Variants in MRAS observed in about 807,000 individuals in gnomAD.
MRAS encodes ras-related protein M-Ras.
In MRAS, 4 loss-of-function variants were observed where a neutral mutation model predicts 20.9. The ratio of observed to expected loss-of-function variants is 0.19; its 90% CI spans 0.09 to 0.44. The LOEUF (loss-of-function observed/expected upper bound fraction) is 0.44. Ranked by LOEUF, MRAS falls within the 20% of genes least tolerant of loss-of-function variation. The pLI, the probability that MRAS is intolerant of heterozygous loss-of-function variation, is 0.99. For synonymous variants in MRAS, 98 were observed against 102.9 expected (o/e 0.95, Z 0.29); for missense variants, 154 against 277.5 (o/e 0.56, Z 3.16).
At position 138,405,209 on chromosome 3, in the gene MRAS, A is replaced by C. The variant is rs1454921822; in HGVS notation, c.*2940A>C. ...TGGCTGGCCTCGTGGGGCCTGTCTC[A>C]CTTTTCCAGGAGACATGACCCACTA... is the stretch of plus-strand genomic sequence containing the variant. On this transcript the variant is annotated 3_prime_UTR_variant, in exon 6 of 6. Coordinates refer to ENST00000423968, the MANE Select transcript of MRAS (RefSeq NM_001085049.3). The C allele has an allele frequency of 6.6e-6, 1 of 152,566 alleles. No homozygotes were observed. The highest frequency in any genetic ancestry group is 2.1e-4 in the South Asian group (1 of 4,824). 9.5% of individuals were successfully genotyped at this position (152,566 alleles called of 1,614,324 possible).
Position 138,402,564 on chromosome 3 carries a change from GTGT to G in MRAS, c.*300_*302del, listed in dbSNP as rs986595190. ...GGTTCCTCCCCCTCTCTCGGTGGGT[GTGT>G]TGTTTATTGTAACTACATAGTGTTG... On this transcript the variant is annotated 3_prime_UTR_variant, in exon 6 of 6. Coordinates refer to ENST00000423968, the MANE Select transcript of MRAS (RefSeq NM_001085049.3). 48 of 373,952 alleles carry G rather than the reference GTGT, an allele frequency of 1.3e-4. No homozygotes were observed. Among genetic ancestry groups the G allele is most frequent in the African/African-American group, 9.2e-4 (45 of 49,050 alleles). The allele number at this position is 373,952 out of a possible 1,614,324, so 23.2% of individuals were successfully genotyped here. A position where few individuals can be genotyped will look rare whatever the true frequency, so the allele number is the denominator to read the frequency against.
chr3:138,351,256 G>A (rs1238672988), intron 1 of MRAS, among the ~76,000 whole-genome samples: 1 of 95,152 alleles, frequency 1.1e-5, no homozygotes, highest in Non-Finnish European at 2.6e-5. Flanking sequence ...CTGCTCATGA[G>A]CATTGTGTAG....
At chr3:138,393,667 G>A (rs960566033) in intron 2 of MRAS, among the ~76,000 whole-genome samples, 5 of 146,788 alleles carry the variant, frequency 3.4e-5, no homozygotes, top group Admixed American at 7.1e-5. Flanking sequence ...TATGAATTAC[G>A]ATATTGCCTT....
intron 4 of MRAS, among the ~76,000 whole-genome samples, chr3:138,399,145 G>C (rs1304640121): frequency 6.6e-6 from 1 of 152,220 alleles, no homozygotes; most frequent in East Asian, 1.9e-4. Flanking sequence ...AGTGTGCCCA[G>C]TTCAAACCCT....
rs200166981 is a variant in MRAS, at chr3:138,353,255, TAAA to T, written c.-19+4495_-19+4497del. On this transcript the variant is annotated intron_variant, in intron 1 of 5. Coordinates refer to ENST00000423968, the MANE Select transcript of MRAS (RefSeq NM_001085049.3). ...ATTAAGGCTAAAGAAGTATTTTAAGTAAAAAAAAAGAAAATTTTTAAAAGTATG... is the reference window on the plus strand; with the variant it reads ...ATTAAGGCTAAAGAAGTATTTTAAGTAAAAAAGAAAATTTTTAAAAGTATG... Among the ~76,000 whole-genome samples the T allele has an allele frequency of 2.1e-4, 32 of 151,466 alleles. No homozygotes were observed. In the East Asian group the frequency reaches 5.8e-3, roughly 27 times the overall value.
intron 2 of MRAS, among the ~76,000 whole-genome samples, chr3:138,388,427 A>G (rs1255617125): frequency 6.6e-6 from 1 of 152,220 alleles, no homozygotes; most frequent in Non-Finnish European, 1.5e-5. Context: ...GGCTGGGCAC[A>G]GTGGCTCACG....
rs2055375546 is a variant in MRAS, at chr3:138,402,243, C to T, written c.601C>T (p.His201Tyr). 5 of 1,614,120 alleles carry T rather than the reference C, an allele frequency of 3.1e-6. No individual in the cohort carries two copies. Among genetic ancestry groups the T allele is most frequent in the Non-Finnish European group, 4.2e-6 (5 of 1,180,038 alleles). Residue 201 changes from histidine (H) to tyrosine (Y), a missense_variant, in exon 6 of 6, where the codon CAC (histidine) becomes TAC (tyrosine). Around this residue, in one of 3 missense-constraint regions of MRAS, gnomAD observed 125 missense variants for 213.5 expected, o/e 0.59. Coordinates refer to ENST00000423968, the MANE Select transcript of MRAS (RefSeq NM_001085049.3). ...KWRGDRATGT[H>Y]KLQCVIL The stretch of plus-strand genomic sequence containing the variant: ...GCGGGGAGACCGGGCCACAGGCACC[C>T]ACAAACTGCAATGTGTGATCTTGTG...
At position 138,402,962 on chromosome 3, in the gene MRAS, C is replaced by T. The variant is rs962563301; in HGVS notation, c.*693C>T. On this transcript the variant is annotated 3_prime_UTR_variant, in exon 6 of 6. Coordinates refer to ENST00000423968, the MANE Select transcript of MRAS (RefSeq NM_001085049.3). ...GGAGGGAAAGAGACCCTACACATGG[C>T]CTAGAAATGAGAGAAGAGAGAGGTA... The T allele has an allele frequency of 1.3e-5, 2 of 152,368 alleles. No homozygotes were observed. The highest frequency in any genetic ancestry group is 4.8e-5 in the African/African-American group (2 of 41,348). 9.4% of individuals were successfully genotyped at this position (152,368 alleles called of 1,614,324 possible).
intron 1 of MRAS, among the ~76,000 whole-genome samples, chr3:138,356,591 A>G (rs1576339940): frequency 6.6e-6 from 1 of 152,200 alleles, no homozygotes; most frequent in Non-Finnish European, 1.5e-5. Flanking sequence ...TCACCAGTCT[A>G]TCATGGTCTT....
rs2055337847 is a variant in MRAS, at chr3:138,400,561, G to T, written c.475G>T (p.Asp159Tyr). The change falls in exon 5 of 6, where the codon GAC becomes TAC. Residue 159 changes from aspartate (D) to tyrosine (Y), a missense_variant. Asp to Tyr is a radical substitution (Grantham distance 160). Coordinates refer to ENST00000423968, the MANE Select transcript of MRAS (RefSeq NM_001085049.3). ...NIPYIETSAKDPPLNVDKAFH... is the reference protein window; with the variant it reads ...NIPYIETSAKYPPLNVDKAFH... Reference sequence around the variant, plus strand: ...TCCGTACATAGAAACCAGTGCCAAGGACCCACCTCTCAATGTCGACAAAGC... The same window carrying T: ...TCCGTACATAGAAACCAGTGCCAAGTACCCACCTCTCAATGTCGACAAAGC... The T allele has an allele frequency of 6.2e-7, 1 of 1,613,468 alleles. No homozygotes were observed. Among genetic ancestry groups the T allele is most frequent in the Non-Finnish European group, 8.5e-7 (1 of 1,179,540 alleles).
At chr3:138,377,433 C>T (rs1044128821) in intron 2 of MRAS, among the ~76,000 whole-genome samples, 18 of 152,184 alleles carry the variant, frequency 1.2e-4, no homozygotes, top group African/African-American at 3.9e-4. Context: ...AGTGAAACCC[C>T]GCTTCTACTA....
chr3:138,371,127 G>A (rs184357603), intron 1 of MRAS, among the ~76,000 whole-genome samples: 4 of 152,284 alleles, frequency 2.6e-5, no homozygotes, highest in Non-Finnish European at 5.9e-5. Context: ...GCAGGAGAGG[G>A]TATGAATATA....
intron 2 of MRAS, among the ~76,000 whole-genome samples, chr3:138,375,068 G>T (rs896888552): frequency 4.6e-5 from 7 of 152,078 alleles, no homozygotes; most frequent in Non-Finnish European, 1.0e-4. Context: ...TTTTTGTGAA[G>T]ATTGGGGGGA....
intron 1 of MRAS, among the ~76,000 whole-genome samples, chr3:138,364,613 C>A (rs1047550767): frequency 6.6e-6 from 1 of 152,138 alleles, no homozygotes; most frequent in Non-Finnish European, 1.5e-5. Flanking sequence ...GGCTGGGGCA[C>A]GGACCCATAT....
intron 1 of MRAS, among the ~76,000 whole-genome samples, chr3:138,355,159 G>C (rs6439807): frequency 0.65 from 99,149 of 151,968 alleles, 32,382 homozygotes; most frequent in Admixed American, 0.76. Flanking sequence ...GGCTTACTTT[G>C]TAATCCATAA....
At chr3:138,349,309 C>T (rs1359202816) in intron 1 of MRAS, 1 of 152,344 alleles carries the variant, frequency 6.6e-6, no homozygotes, top group African/African-American at 2.4e-5. Context: ...ACTGATCTGG[C>T]TGAGGCATCA....
chr3:138,389,054 C>G (rs58019324), intron 2 of MRAS, among the ~76,000 whole-genome samples: 1 of 152,016 alleles, frequency 6.6e-6, no homozygotes, highest in Non-Finnish European at 1.5e-5. Flanking sequence ...GTTGTCTAGG[C>G]TAGTCTCAAA....
At chr3:138,370,154 T>C (rs2108516033) in intron 1 of MRAS, among the ~76,000 whole-genome samples, 1 of 152,122 alleles carries the variant, frequency 6.6e-6, no homozygotes, top group South Asian at 2.1e-4. Flanking sequence ...CTGTCTCTAT[T>C]GAAAATACAA....
intron 1 of MRAS, among the ~76,000 whole-genome samples, chr3:138,358,362 C>T (rs1243311314): frequency 6.6e-6 from 1 of 151,732 alleles, no homozygotes; most frequent in Non-Finnish European, 1.5e-5. Context: ...TATAAAGGGG[C>T]CATTAAATAA....
Sources: allele counts gnomAD v4.1 joint callset (sites outside exome capture counted in the v4.1 genomes callset), GRCh38; gene constraint gnomAD v4.1.1; regional missense constraint gnomAD v4.1.1; transcripts MANE v1.5; gene names NCBI Gene and HGNC (gene_info 2026-07-23, HGNC 2026-07-21).